Variants in NELL1 observed in about 807,000 individuals in gnomAD.
The protein encoded by NELL1 is neural EGFL like 1, also known as protein kinase C-binding protein NELL1.
Under a neutral mutation model 107.4 loss-of-function variants are expected in NELL1, and 76 were observed. That is an observed-to-expected ratio of 0.71 (90% CI 0.59 to 0.86). The LOEUF is 0.86. Ranked by LOEUF, NELL1 falls within the 40% of genes least tolerant of loss-of-function variation. The probability of loss-of-function intolerance (pLI) is 0.00; values close to 1 mark genes in which losing one functional copy is unlikely to be tolerated. For synonymous variants in NELL1, 353 were observed against 341.2 expected, an observed-to-expected ratio of 1.03 and a Z score of -0.38; for missense variants, 1,024 against 1,005.5, an observed-to-expected ratio of 1.02 and a Z score of -0.25.
At chr11:21,033,849 TCTA>T (rs1853022877) in intron 12 of NELL1, among the ~76,000 whole-genome samples, 2 of 152,156 alleles carry the variant, frequency 1.3e-5, no homozygotes, top group Admixed American at 1.3e-4. Context: ...TGATTTAACT[TCTA>T]CTAACCCTGT....
chr11:21,187,075 G>C (rs975713335), intron 13 of NELL1, among the ~76,000 whole-genome samples: 2 of 151,804 alleles, frequency 1.3e-5, no homozygotes, highest in African/African-American at 4.9e-5. Context: ...AGGCTTTGGC[G>C]GAATATTTAG....
At position 20,730,999 on chromosome 11, in the gene NELL1, G is replaced by T. The variant is rs1245298172; in HGVS notation, c.185-52681G>T. Among the ~76,000 whole-genome samples the T allele has an allele frequency of 2.6e-5, 4 of 152,148 alleles. No homozygotes were observed. In the South Asian group the frequency reaches 8.3e-4, roughly 32 times the overall value. On this transcript the variant is annotated intron_variant, in intron 2 of 19. Transcript: ENST00000357134. ...TCTCTGAAGATTTTCTTTGGTCATT[G>T]TTCTTTTCTGTGATTCTAAATGCAC...
At chr11:21,221,154 T>G (rs1353330933) in intron 13 of NELL1, among the ~76,000 whole-genome samples, 1 of 152,188 alleles carries the variant, frequency 6.6e-6, no homozygotes, top group African/African-American at 2.4e-5. Flanking sequence ...TTCTGTTGAT[T>G]GGACAATGTT....
intron 16 of NELL1, among the ~76,000 whole-genome samples, chr11:21,541,900 T>C (rs1038630705): frequency 1.3e-5 from 2 of 152,050 alleles, no homozygotes; most frequent in African/African-American, 4.8e-5. Context: ...ATAACAGTAA[T>C]ACTAATAAGA....
chr11:20,933,529 GC>G (rs1270761266), intron 9 of NELL1, among the ~76,000 whole-genome samples: 3 of 152,226 alleles, frequency 2.0e-5, no homozygotes, highest in African/African-American at 7.2e-5. Context: ...TGAAGCCAAG[GC>G]TGTGAATTAG....
At chr11:21,408,904 T>A (rs1590909338) in intron 15 of NELL1, among the ~76,000 whole-genome samples, 1 of 151,904 alleles carries the variant, frequency 6.6e-6, no homozygotes, top group Non-Finnish European at 1.5e-5. Context: ...CCAATTAGAA[T>A]GGCAATCATT....
chr11:20,863,255 G>A (rs1229387760), intron 4 of NELL1, among the ~76,000 whole-genome samples: 1 of 145,616 alleles, frequency 6.9e-6, no homozygotes, highest in African/African-American at 2.6e-5. Context: ...CGGATGGGGC[G>A]GCTGGCTGGG....
At chr11:20,890,609 C>G (rs148500701) in intron 5 of NELL1, among the ~76,000 whole-genome samples, 37 of 152,080 alleles carry the variant, frequency 2.4e-4, no homozygotes, top group Admixed American at 8.5e-4. Flanking sequence ...AGCTAAGAAC[C>G]TTGATAAGAG....
intron 15 of NELL1, among the ~76,000 whole-genome samples, chr11:21,527,189 A>G (rs1202045988): frequency 6.6e-6 from 1 of 152,158 alleles, no homozygotes; most frequent in East Asian, 1.9e-4. Context: ...TTTGTGTAGC[A>G]AAAGTGACCT....
chr11:20,778,448 TTACC>T (rs1295991471), intron 2 of NELL1, among the ~76,000 whole-genome samples: 7 of 137,442 alleles, frequency 5.1e-5, no homozygotes, highest in African/African-American at 2.2e-4. Context: ...GAGTGTGTGT[TTACC>T]TCATTTAATT....
In NELL1 at chr11:21,264,750, A is replaced by AGT. The variant is rs138336320; in HGVS notation, c.1549+35310_1549+35311dup. ...CCTGAGCTGGTGACAACAGTTGTGGAGTGTGTGTGTGTGTGCGTGCGTGTG... is the reference window on the plus strand; with the variant it reads ...CCTGAGCTGGTGACAACAGTTGTGGAGTGTGTGTGTGTGTGTGCGTGCGTGTG... On this transcript the variant is annotated intron_variant, in intron 14 of 19. Transcript: ENST00000357134. Among the ~76,000 whole-genome samples the AGT allele has an allele frequency of 1.5e-4, 22 of 149,920 alleles. 1 individual carries two copies. The Middle Eastern group carries it at 0.01, about 71-fold the overall frequency.
chr11:21,340,363 A>G (rs201856911), intron 14 of NELL1, among the ~76,000 whole-genome samples: 2 of 152,118 alleles, frequency 1.3e-5, no homozygotes, highest in Non-Finnish European at 2.9e-5. Flanking sequence ...AGTGTTAGCC[A>G]AGATGGTCTC....
chr11:21,074,901 G>A (rs2134384914), intron 12 of NELL1, among the ~76,000 whole-genome samples: 1 of 152,264 alleles, frequency 6.6e-6, no homozygotes, highest in African/African-American at 2.4e-5. Context: ...GATGTGTGAG[G>A]CTAAGATGTA....
chr11:21,193,509 C>G lies in NELL1; in HGVS notation c.1427-35823C>G, dbSNP rs953285299. On this transcript the variant is annotated intron_variant, in intron 13 of 19. Coordinates refer to ENST00000357134, the MANE Select transcript of NELL1 (RefSeq NM_006157.5). ...TTTAAAATTTATTTGCATTTTAGAA[C>G]CAGTCAGCATCTTCACATAGCCATC... Among the ~76,000 whole-genome samples the G allele has an allele frequency of 1.3e-5, 2 of 151,698 alleles. 1 individual carries two copies. The highest frequency in any genetic ancestry group is 2.9e-5 in the Non-Finnish European group (2 of 68,010).
intron 3 of NELL1, among the ~76,000 whole-genome samples, chr11:20,816,889 T>A (rs1289931309): frequency 6.6e-6 from 1 of 152,200 alleles, no homozygotes; most frequent in Non-Finnish European, 1.5e-5. Flanking sequence ...GCTACGTCTA[T>A]TGAGATGATC....
chr11:21,490,414 T>C (rs1854770491), intron 15 of NELL1, among the ~76,000 whole-genome samples: 1 of 150,040 alleles, frequency 6.7e-6, no homozygotes, highest in Non-Finnish European at 1.5e-5. Flanking sequence ...CCAATGTCAT[T>C]TTTCACAGAA....
chr11:21,337,829 T>TTGCTTTCC (rs1565175555), intron 14 of NELL1, among the ~76,000 whole-genome samples: 936 of 20,304 alleles, frequency 0.046, 27 homozygotes, highest in African/African-American at 0.14. Flanking sequence ...TCTTTCTTTC[T>TTGCTTTCC]TTCTTTCTTT....
intron 14 of NELL1, among the ~76,000 whole-genome samples, chr11:21,254,285 A>G (rs1188174283): frequency 6.6e-6 from 1 of 152,096 alleles, no homozygotes; most frequent in Non-Finnish European, 1.5e-5. Flanking sequence ...ACTAAATAGA[A>G]CATTCATAAT....
intron 14 of NELL1, among the ~76,000 whole-genome samples, chr11:21,325,500 T>C (rs1046535157): frequency 6.6e-6 from 1 of 152,130 alleles, no homozygotes; most frequent in Non-Finnish European, 1.5e-5. Flanking sequence ...GTGCCTATTT[T>C]GGGGTACAAA....
Sources: allele counts gnomAD v4.1 joint callset (sites outside exome capture counted in the v4.1 genomes callset), GRCh38; gene constraint gnomAD v4.1.1; transcripts MANE v1.5; gene names NCBI Gene and HGNC (gene_info 2026-07-23, HGNC 2026-07-21).